E4F1: variants seen among roughly 807,000 people sequenced by gnomAD.
The protein encoded by E4F1 is transcription factor E4F1.
A neutral mutation model predicts 72.9 loss-of-function variants in E4F1; 30 were observed. The ratio of observed to expected loss-of-function variants is 0.41; its 90% confidence interval spans 0.31 to 0.56. E4F1 has a LOEUF of 0.56. Among genes scored for constraint, E4F1 ranks in the 20% least tolerant of loss-of-function variants. The probability of loss-of-function intolerance (pLI) is 0.25; values close to 1 mark genes in which losing one functional copy is unlikely to be tolerated. For synonymous variants in E4F1, 542 were observed against 478.2 expected (o/e 1.13, Z -1.74); for missense variants, 1,091 against 1,117.5 (o/e 0.98, Z 0.34).
Position 2,235,534 on chromosome 16 carries a change from C to T in E4F1, c.2317C>T (p.Pro773Ser), listed in dbSNP as rs1350677199. The stretch of plus-strand genomic sequence containing the variant: ...TGCAGGCGAGCTGGTCATCGCCTCG[C>T]CGGAGGGCCAGCTGGAGGTGCAGAC... ...EHAGELVIAS[P>S]EGQLEVQTVI... Residue 773 changes from proline to serine, a missense_variant, in exon 14 of 14, where the codon CCG (proline) becomes TCG (serine). Physicochemically the swap from Pro to Ser is moderately conservative, Grantham distance 74. Transcript: ENST00000301727. 6.2e-7 allele frequency: 1 copy of T among 1,603,952 alleles called. No individual in the cohort carries two copies. The highest frequency in any genetic ancestry group is 8.5e-7 in the Non-Finnish European group (1 of 1,173,804).
chr16:2,232,865 T>G lies in E4F1; in HGVS notation c.840T>G (p.Ser280Arg). The G allele has an allele frequency of 6.2e-7, 1 of 1,613,346 alleles. No homozygotes were observed. Among genetic ancestry groups the G allele is most frequent in the Non-Finnish European group, 8.5e-7 (1 of 1,179,978 alleles). The change falls in exon 6 of 14, where the codon AGT (serine) becomes AGG (arginine). Residue 280 changes from serine (S) to arginine (R), a missense_variant. Transcript: ENST00000301727. ...LTPCTEKIRF[S>R]VSKDVVVSKE... is the part of the protein sequence containing the mutation. ...CCTGCACAGAGAAAATCCGCTTCAG[T>G]GTGAGCAAGGACGTGGTTGTCAGCA...
In E4F1 at chr16:2,235,716, C is replaced by A; in HGVS notation, c.*144C>A. The stretch of plus-strand genomic sequence containing the variant: ...CAGTGTACATAAGAGTTTCTTGTTG[C>A]TTTACAATAAAACATGAGAACCTGC... On this transcript the variant is annotated 3_prime_UTR_variant, in exon 14 of 14. Coordinates refer to ENST00000301727, the MANE Select transcript of E4F1 (RefSeq NM_004424.5). 1 of 703,162 alleles carries A rather than the reference C, an allele frequency of 1.4e-6. No homozygotes were observed. The highest frequency in any genetic ancestry group is 2.3e-6 in the Non-Finnish European group (1 of 440,596). The allele number at this position is 703,162 out of a possible 1,614,324, so 43.6% of individuals were successfully genotyped here. A position where few individuals can be genotyped will look rare whatever the true frequency, so the allele number is the denominator to read the frequency against.
Position 2,235,664 on chromosome 16 carries a change from C to T in E4F1, c.*92C>T. On this transcript the variant is annotated 3_prime_UTR_variant, in exon 14 of 14. Coordinates refer to ENST00000301727, the MANE Select transcript of E4F1 (RefSeq NM_004424.5). ...CTGCCTGGCCTGGTAGAGAAGATGG[C>T]ACAGGATGGAGGCGCCCCAAGACGG... 8.5e-7 allele frequency: 1 copy of T among 1,177,968 alleles called. No homozygotes were observed. Among genetic ancestry groups the T allele is most frequent in the Admixed American group, 2.7e-5 (1 of 36,574 alleles). The allele number at this position is 1,177,968 out of a possible 1,614,324, so 73.0% of individuals were successfully genotyped here. A position where few individuals can be genotyped will look rare whatever the true frequency, so the allele number is the denominator to read the frequency against.
At position 2,229,608 on chromosome 16, in the gene E4F1, T is replaced by C. The variant is rs772927222; in HGVS notation, c.348T>C (p.Thr116=). 45 of 1,612,564 alleles carry C rather than the reference T, an allele frequency of 2.8e-5. No homozygotes were observed. The highest frequency in any genetic ancestry group is 3.6e-5 in the Non-Finnish European group (42 of 1,179,970). The change falls in exon 3 of 14, where the codon ACT becomes ACC. Residue 116 remains threonine (T), a synonymous_variant. Transcript: ENST00000301727. ...CACCAGGCCCAGAGGAGCCCATCACTGTGGCCCACATCGTGGTGGAGGCGG... is the reference window on the plus strand; with the variant it reads ...CACCAGGCCCAGAGGAGCCCATCACCGTGGCCCACATCGTGGTGGAGGCGG... ...PAAPGPEEPI[T]VAHIVVEAAS... is the part of the protein sequence containing the mutation.
rs747908249 is a variant in E4F1, at chr16:2,233,875, TC to T, written c.1267-3del. On this transcript the variant is annotated splice_polypyrimidine_tract_variant and splice_region_variant and intron_variant, in intron 8 of 13. Coordinates refer to ENST00000301727, the MANE Select transcript of E4F1 (RefSeq NM_004424.5). ...CGGGTGCTGGAGACCTTCCTGTGGT[TC>T]CCCAGCAGGTGGCCAGCGAGGCCTC... The T allele has an allele frequency of 1.4e-5, 22 of 1,581,246 alleles. No homozygotes were observed. Among genetic ancestry groups the T allele is most frequent in the Non-Finnish European group, 1.7e-5 (20 of 1,163,756 alleles).
chr16:2,230,875 A>G (rs2093463442), intron 3 of E4F1: 1 of 152,256 alleles, frequency 6.6e-6, no homozygotes, highest in African/African-American at 2.4e-5. Context: ...TGGGAGCATG[A>G]ACTCCTTAGG....
intron 5 of E4F1, 53 bp downstream of exon 5, chr16:2,232,629 C>T: frequency 1.2e-6 from 2 of 1,605,784 alleles, no homozygotes; most frequent in South Asian, 1.1e-5. Flanking sequence ...ATGGTTGGCC[C>T]TGGGGTGCCC....
chr16:2,228,747 T>A (rs1188678191), intron 2 of E4F1, among the ~76,000 whole-genome samples: 1 of 152,138 alleles, frequency 6.6e-6, no homozygotes, highest in Non-Finnish European at 1.5e-5. Context: ...CAGCCTCTGG[T>A]CGAAGCCCGT....
intron 9 of E4F1, 68 bp from the exon 10 acceptor site, chr16:2,234,103 G>T: frequency 2.5e-6 from 4 of 1,578,700 alleles, no homozygotes; most frequent in Non-Finnish European, 3.4e-6. Flanking sequence ...GGGATCTGTG[G>T]GCAGGTGGCA....
chr16:2,233,108 C>G lies in E4F1; in HGVS notation c.981C>G (p.Ala327=), dbSNP rs200055937. 6.2e-7 allele frequency: 1 copy of G among 1,612,614 alleles called. No individual in the cohort carries two copies. The highest frequency in any genetic ancestry group is 1.1e-5 in the South Asian group (1 of 91,066). The part of the protein sequence containing the change: ...TSPVIHLVTD[A]KGTVIHEVHV... ...CCGTGATTCACCTGGTGACAGATGCCAAGGGCACCGTCATCCACGAAGTCC... is the reference window on the plus strand; with the variant it reads ...CCGTGATTCACCTGGTGACAGATGCGAAGGGCACCGTCATCCACGAAGTCC... The change falls in exon 7 of 14, where the codon GCC becomes GCG. Residue 327 remains alanine, a synonymous_variant. Transcript: ENST00000301727.
rs2093476143 is a variant in E4F1 at position 2,232,765 on chromosome 16, CCT to C, written c.741_742del (p.Tyr248GlnfsTer120). ...TAGGTTCTCTCTGCAGATGAGCGCC[CCT>C]ACAAGTGCTCCAAGTGTGGAAAGAG... On this transcript the variant is annotated frameshift_variant, in exon 6 of 14. Coordinates refer to ENST00000301727, the MANE Select transcript of E4F1 (RefSeq NM_004424.5). LOFTEE classifies it high-confidence loss of function. 6.2e-7 allele frequency: 1 copy of C among 1,613,106 alleles called. No individual in the cohort carries two copies. Among genetic ancestry groups the C allele is most frequent in the Non-Finnish European group, 8.5e-7 (1 of 1,180,004 alleles).
Position 2,232,772 on chromosome 16 carries a change from G to A in E4F1, c.747G>A (p.Lys249=), listed in dbSNP as rs771304579. 1.4e-5 allele frequency: 22 copies of A among 1,613,184 alleles called. No individual in the cohort carries two copies. The highest frequency in any genetic ancestry group is 2.2e-5 in the East Asian group (1 of 44,898). The change falls in exon 6 of 14, where the codon AAG becomes AAA. Residue 249 remains lysine, a synonymous_variant. Coordinates refer to ENST00000301727, the MANE Select transcript of E4F1 (RefSeq NM_004424.5). Reference sequence around the variant, plus strand: ...TCTCTGCAGATGAGCGCCCCTACAAGTGCTCCAAGTGTGGAAAGAGCTTCC... The same window carrying A: ...TCTCTGCAGATGAGCGCCCCTACAAATGCTCCAAGTGTGGAAAGAGCTTCC... ...HRRHTDERPY[K]CSKCGKSFRE... is the part of the protein sequence containing the mutation.
chr16:2,231,010 C>G (rs1250908238), intron 3 of E4F1: 1 of 152,574 alleles, frequency 6.6e-6, no homozygotes, highest in East Asian at 1.9e-4. Context: ...CTCTTGGCAC[C>G]CCTGCCACTC....
chr16:2,228,574 G>C, intron 2 of E4F1, 51 bp downstream of exon 2: 4 of 1,589,530 alleles, frequency 2.5e-6, no homozygotes, highest in Non-Finnish European at 3.4e-6. Context: ...CTGACAGGTG[G>C]GGGAGGTGGC....
intron 1 of E4F1, among the ~76,000 whole-genome samples, chr16:2,227,687 G>A (rs2141441145): frequency 6.6e-6 from 1 of 152,248 alleles, no homozygotes; most frequent in South Asian, 2.1e-4. Flanking sequence ...TTTTAGTAGA[G>A]ATGGGATTTC....
At position 2,235,308 on chromosome 16, in the gene E4F1, G is replaced by C. The variant is rs749101506; in HGVS notation, c.2091G>C (p.Glu697Asp). ...TCGTGCAGAACGTCACCATGGACGAGGAGACGGCGCTGGGCCCAGAGGCGG... is the reference window on the plus strand; with the variant it reads ...TCGTGCAGAACGTCACCATGGACGACGAGACGGCGCTGGGCCCAGAGGCGG... Reference protein sequence around the residue: ...QIIVQNVTMDEETALGPEAAA... With the variant: ...QIIVQNVTMDDETALGPEAAA... The change falls in exon 14 of 14, where the codon GAG (glutamate) becomes GAC (aspartate). Residue 697 changes from glutamate (E) to aspartate (D), a missense_variant. By Grantham distance (45) the Glu-to-Asp change is conservative. Around this residue, in one of 5 missense-constraint regions of E4F1, gnomAD observed 622 missense variants for 628.0 expected, o/e 0.99. Coordinates refer to ENST00000301727, the MANE Select transcript of E4F1 (RefSeq NM_004424.5). 3 of 1,610,978 alleles carry C rather than the reference G, an allele frequency of 1.9e-6. No individual in the cohort carries two copies. The highest frequency in any genetic ancestry group is 2.5e-6 in the Non-Finnish European group (3 of 1,179,930).
chr16:2,228,545 C>T (rs771449272), intron 2 of E4F1, 22 bp downstream of exon 2: 10 of 1,606,814 alleles, frequency 6.2e-6, no homozygotes, highest in East Asian at 2.2e-5. Flanking sequence ...CCCACTCCCC[C>T]ATCCCCTCCC....
chr16:2,223,794 G>T lies in E4F1; in HGVS notation c.157+24G>T, dbSNP rs562771864. 9.1e-4 allele frequency: 1,399 copies of T among 1,536,720 alleles called. 5 individuals are homozygous for T. The highest frequency in any genetic ancestry group is 6.0e-3 in the South Asian group (501 of 84,060). On this transcript the variant is annotated intron_variant, in intron 1 of 13. Coordinates refer to ENST00000301727, the MANE Select transcript of E4F1 (RefSeq NM_004424.5). ...AGGTAACCGGGCCGACCCGGAGGGTGCGGCCGGGGTGCGGGCAGTTCATCC... is the reference window on the plus strand; with the variant it reads ...AGGTAACCGGGCCGACCCGGAGGGTTCGGCCGGGGTGCGGGCAGTTCATCC...
intron 2 of E4F1, among the ~76,000 whole-genome samples, chr16:2,229,226 G>A (rs759474688): frequency 1.3e-5 from 2 of 152,248 alleles, no homozygotes; most frequent in African/African-American, 4.8e-5. Context: ...CGGATGTGGC[G>A]GGCTGGGACT....
Sources: gnomAD v4.1 joint callset for allele counts (sites outside exome capture counted in the v4.1 genomes callset) on GRCh38, gnomAD v4.1.1 for gene constraint, gnomAD v4.1.1 regional missense constraint, MANE v1.5 for transcripts, NCBI Gene and HGNC (gene_info 2026-07-23, HGNC 2026-07-21) for gene names.